The following AHR variants were observed in gnomAD, a reference collection of about 807,000 sequenced individuals.
AHR encodes aryl hydrocarbon receptor, also known as AH-receptor.
Under a neutral mutation model 86.8 loss-of-function variants are expected in AHR, and 40 were observed. The observed-to-expected ratio is 0.46, with a 90% confidence interval of 0.36 to 0.60. The LOEUF is 0.60. Among genes scored for constraint, AHR ranks in the 20% least tolerant of loss-of-function variants. The probability of loss-of-function intolerance (pLI) is 0.00; values close to 1 mark genes in which losing one functional copy is unlikely to be tolerated. For synonymous variants in AHR, 398 were observed against 354.9 expected, an observed-to-expected ratio of 1.12 and a Z score of -1.37; for missense variants, 1,001 against 1,011.6, an observed-to-expected ratio of 0.99 and a Z score of 0.14.
intron 5 of AHR, 112 bp downstream of exon 5, chr7:17,330,187 A>G: frequency 9.4e-7 from 1 of 1,061,914 alleles, no homozygotes; most frequent in Non-Finnish European, 1.3e-6. Flanking sequence ...AGTAGTGGAA[A>G]GATGTAAAGT....
Position 17,339,567 on chromosome 7 carries a change from T to A in AHR, c.1742T>A (p.Ile581Asn). The change falls in exon 10 of 11, where the codon ATC (isoleucine) becomes AAC (asparagine). Residue 581 changes from isoleucine to asparagine, a missense_variant. By Grantham distance (149) the Ile-to-Asn change is moderately radical. Coordinates refer to ENST00000242057, the MANE Select transcript of AHR (RefSeq NM_001621.5). Reference protein sequence around the residue: ...DFRDIDLTDEILTYVQDSLSK... With the variant: ...DFRDIDLTDENLTYVQDSLSK... ...AGAGACATTGACTTAACGGATGAAA[T>A]CCTGACGTATGTCCAAGATTCTTTA... 1 of 1,614,144 alleles carries A rather than the reference T, an allele frequency of 6.2e-7. No homozygotes were observed. The highest frequency in any genetic ancestry group is 8.5e-7 in the Non-Finnish European group (1 of 1,180,046).
At chr7:17,324,620 G>C (rs1014648027) in intron 3 of AHR, among the ~76,000 whole-genome samples, 3 of 152,078 alleles carry the variant, frequency 2.0e-5, no homozygotes, top group Non-Finnish European at 4.4e-5. Context: ...GGCCAACATA[G>C]GGAAACCCCA....
At position 17,339,634 on chromosome 7, in the gene AHR, G is replaced by A; in HGVS notation, c.1809G>A (p.Gln603=). 1.2e-6 allele frequency: 2 copies of A among 1,614,028 alleles called. No homozygotes were observed. Among genetic ancestry groups the A allele is most frequent in the Non-Finnish European group, 1.7e-6 (2 of 1,180,030 alleles). Residue 603 remains glutamine (Q), a synonymous_variant, in exon 10 of 11, where the codon CAG becomes CAA. Coordinates refer to ENST00000242057, the MANE Select transcript of AHR (RefSeq NM_001621.5). ...PFIPSDYQQQ[Q]SLALNSSCMV... is the part of the protein sequence containing the mutation. ...TACCTTCAGATTATCAACAGCAACA[G>A]TCCTTGGCTCTGAACTCAAGCTGTA... is the stretch of plus-strand genomic sequence containing the variant.
intron 9 of AHR, among the ~76,000 whole-genome samples, chr7:17,337,076 ATTTGTT>A (rs900773039): frequency 6.6e-6 from 1 of 151,960 alleles, no homozygotes; most frequent in Non-Finnish European, 1.5e-5. Flanking sequence ...ATACTGGCTA[ATTTGTT>A]TTTATTTTTA....
chr7:17,335,020 A>G lies in AHR; in HGVS notation c.1018+24A>G, dbSNP rs759679049. The G allele has an allele frequency of 1.2e-5, 19 of 1,557,696 alleles. No individual in the cohort carries two copies. The East Asian group carries it at 3.8e-4, about 31-fold the overall frequency. On this transcript the variant is annotated intron_variant, in intron 8 of 10. Coordinates refer to ENST00000242057, the MANE Select transcript of AHR (RefSeq NM_001621.5). ...AAGTAAGTTGTAGTTCCTTATGAACATGTCAGAAGAAAACGGCATATACTG... is the reference window on the plus strand; with the variant it reads ...AAGTAAGTTGTAGTTCCTTATGAACGTGTCAGAAGAAAACGGCATATACTG...
At chr7:17,335,807 C>A in intron 9 of AHR, 21 bp downstream of exon 9, 2 of 1,603,146 alleles carry the variant, frequency 1.2e-6, no homozygotes, top group Non-Finnish European at 1.7e-6. Flanking sequence ...ATAATGTTTC[C>A]TGTTTTAACA....
At chr7:17,326,638 C>G (rs531849946) in intron 3 of AHR, among the ~76,000 whole-genome samples, 1 of 152,222 alleles carries the variant, frequency 6.6e-6, no homozygotes, top group African/African-American at 2.4e-5. Flanking sequence ...GGTGGGATAT[C>G]GTCATTATAT....
rs1430832903 is a variant in AHR, at chr7:17,333,819, A to C, written c.706-93A>C. On this transcript the variant is annotated intron_variant, in intron 6 of 10. Transcript: ENST00000242057. Reference sequence around the variant, plus strand: ...AGGAATATTTATGGAATTATCAAGAACCCTAGAGGCAGCCATAATGGAGCC... The same window carrying C: ...AGGAATATTTATGGAATTATCAAGACCCCTAGAGGCAGCCATAATGGAGCC... 3.2e-6 allele frequency: 3 copies of C among 929,114 alleles called. No individual in the cohort carries two copies. The African/African-American group carries it at 5.0e-5, about 16-fold the overall frequency. The allele number at this position is 929,114 out of a possible 1,614,324, so 57.6% of individuals were successfully genotyped here.
At chr7:17,328,900 C>G (rs1782256052) in intron 4 of AHR, among the ~76,000 whole-genome samples, 1 of 151,932 alleles carries the variant, frequency 6.6e-6, no homozygotes, top group Admixed American at 6.6e-5. Context: ...CTAGCTACTA[C>G]TGCTACCACA....
intron 2 of AHR, among the ~76,000 whole-genome samples, chr7:17,318,718 T>C (rs1248241544): frequency 6.6e-6 from 1 of 152,140 alleles, no homozygotes; most frequent in African/African-American, 2.4e-5. Context: ...ATTTAAAGTG[T>C]CGTTATGCAT....
chr7:17,307,609 C>G (rs1388611541), intron 1 of AHR, among the ~76,000 whole-genome samples: 1 of 152,112 alleles, frequency 6.6e-6, no homozygotes, highest in Non-Finnish European at 1.5e-5. Flanking sequence ...CTAGAAAGAT[C>G]ATGAAGGATT....
intron 1 of AHR, among the ~76,000 whole-genome samples, chr7:17,309,030 G>A (rs905075923): frequency 1.3e-5 from 2 of 152,084 alleles, no homozygotes; most frequent in African/African-American, 4.8e-5. Flanking sequence ...GTTCAGCGTG[G>A]GTATCTGATG....
At chr7:17,304,489 T>C (rs1781986041) in intron 1 of AHR, among the ~76,000 whole-genome samples, 1 of 152,124 alleles carries the variant, frequency 6.6e-6, no homozygotes, top group African/African-American at 2.4e-5. Flanking sequence ...GAGACAGAGT[T>C]TGTGTTTCTG....
chr7:17,343,915 AATT>A lies in AHR; in HGVS notation c.*857_*859del, dbSNP rs1782455048. Reference sequence around the variant, plus strand: ...AAAATGTCTTTCCAAATTATTTCTTAATTATTATAAAAATATTAAGACAATAGC... The same window carrying A: ...AAAATGTCTTTCCAAATTATTTCTTAATTATAAAAATATTAAGACAATAGC... On this transcript the variant is annotated 3_prime_UTR_variant, in exon 11 of 11. Transcript: ENST00000242057. 6.6e-6 allele frequency: 1 copy of A among 152,656 alleles called. No individual in the cohort carries two copies. The highest frequency in any genetic ancestry group is 2.4e-5 in the African/African-American group (1 of 41,554). 9.5% of individuals were successfully genotyped at this position (152,656 alleles called of 1,614,324 possible). A position where few individuals can be genotyped will look rare whatever the true frequency, so the allele number is the denominator to read the frequency against.
At chr7:17,307,978 C>G (rs191098412) in intron 1 of AHR, among the ~76,000 whole-genome samples, 1 of 152,238 alleles carries the variant, frequency 6.6e-6, no homozygotes, top group South Asian at 2.1e-4. Flanking sequence ...CTAGGCTGTC[C>G]AAACCAGCAT....
intron 1 of AHR, among the ~76,000 whole-genome samples, chr7:17,300,655 G>A (rs1055089054): frequency 3.3e-5 from 5 of 152,108 alleles, no homozygotes; most frequent in Non-Finnish European, 7.4e-5. Context: ...TTTCTACCTT[G>A]GCAGTTTGAG....
chr7:17,319,301 A>G (rs572896067), intron 2 of AHR, among the ~76,000 whole-genome samples: 62 of 152,216 alleles, frequency 4.1e-4, no homozygotes, highest in Non-Finnish European at 7.5e-4. Flanking sequence ...AATCCTCACA[A>G]GAATTTGTCT....
chr7:17,332,579 A>G (rs1439782183), intron 6 of AHR, among the ~76,000 whole-genome samples: 1 of 151,974 alleles, frequency 6.6e-6, no homozygotes, highest in African/African-American at 2.4e-5. Context: ...AAAATTAAAA[A>G]TTAAAAAATA....
rs541783036 is a variant in AHR at position 17,316,877 on chromosome 7, A to G, written c.254-5624A>G. ...ACTGACAGCAGGAGCTGTGGATGCT[A>G]GTTCAGTTAACGAATCTTGTGTTTT... On this transcript the variant is annotated intron_variant, in intron 2 of 10. Transcript: ENST00000242057. Among the ~76,000 whole-genome samples, 62 of 152,240 alleles carry G rather than the reference A, an allele frequency of 4.1e-4. 1 individual carries two copies. The highest frequency in any genetic ancestry group is 9.1e-4 in the African/African-American group (38 of 41,552).
Sources: allele counts gnomAD v4.1 joint callset (sites outside exome capture counted in the v4.1 genomes callset), GRCh38; gene constraint gnomAD v4.1.1; transcripts MANE v1.5; gene names NCBI Gene and HGNC (gene_info 2026-07-23, HGNC 2026-07-21).